STK32B: variants seen among roughly 807,000 people sequenced by gnomAD.
The protein encoded by STK32B is serine/threonine-protein kinase 32B.
A neutral mutation model predicts 52.6 loss-of-function variants in STK32B; 43 were observed. The observed-to-expected ratio is 0.82, with a 90% CI of 0.64 to 1.05. The LOEUF is 1.05. Ranked by LOEUF, STK32B falls within the 50% of genes least tolerant of loss-of-function variation. The pLI is 0.00. For synonymous variants in STK32B, 238 were observed against 204.3 expected (o/e 1.17, Z -1.41); for missense variants, 621 against 534.6 (o/e 1.16, Z -1.59).
intron 11 of STK32B, among the ~76,000 whole-genome samples, chr4:5,487,114 T>G (rs1719288643): frequency 6.6e-6 from 1 of 152,222 alleles, no homozygotes; most frequent in Non-Finnish European, 1.5e-5. Context: ...GTAGTTAGGC[T>G]TAATTATCCC....
At chr4:5,438,325 G>T (rs1282064824) in intron 6 of STK32B, among the ~76,000 whole-genome samples, 3 of 152,210 alleles carry the variant, frequency 2.0e-5, no homozygotes, top group African/African-American at 7.2e-5. Context: ...TGCCCAGCAT[G>T]TACTAGGAAA....
At chr4:5,086,926 C>G (rs1014002170) in intron 1 of STK32B, among the ~76,000 whole-genome samples, 5 of 152,110 alleles carry the variant, frequency 3.3e-5, no homozygotes, top group African/African-American at 1.2e-4. Context: ...TGTCCTGCAA[C>G]AGATAGTAAA....
intron 3 of STK32B, among the ~76,000 whole-genome samples, chr4:5,263,980 TG>T (rs1489255066): frequency 3.9e-5 from 6 of 152,236 alleles, no homozygotes; most frequent in African/African-American, 1.4e-4. Context: ...AGTATATCAT[TG>T]TATATAGGAG....
intron 1 of STK32B, among the ~76,000 whole-genome samples, chr4:5,094,580 G>C (rs773620503): frequency 6.6e-6 from 1 of 152,120 alleles, no homozygotes; most frequent in African/African-American, 2.4e-5. Flanking sequence ...ACTTGAGCCC[G>C]GGAGTTCAAG....
chr4:5,204,983 A>C (rs940022012), intron 3 of STK32B, among the ~76,000 whole-genome samples: 9 of 152,202 alleles, frequency 5.9e-5, no homozygotes, highest in African/African-American at 2.2e-4. Flanking sequence ...TTAGCATTTG[A>C]ATCAGTAGAC....
the STK32B span, among the ~76,000 whole-genome samples, chr4:5,030,570 G>A: frequency 6.6e-6 from 1 of 152,202 alleles, no homozygotes; most frequent in African/African-American, 2.4e-5. Context: ...TTTAACCAAA[G>A]CAATCCTCAT....
chr4:5,261,556 T>G (rs1250520143), intron 3 of STK32B, among the ~76,000 whole-genome samples: 4 of 152,090 alleles, frequency 2.6e-5, no homozygotes, highest in Admixed American at 2.6e-4. Flanking sequence ...TTCTGCAGAG[T>G]TTGCATTTTT....
At chr4:5,336,799 A>G (rs899431530) in intron 4 of STK32B, among the ~76,000 whole-genome samples, 11 of 152,228 alleles carry the variant, frequency 7.2e-5, no homozygotes, top group Admixed American at 2.0e-4. Flanking sequence ...CAATGAAAGA[A>G]CAATCTCCCA....
At chr4:5,408,909 C>T (rs527474269) in intron 5 of STK32B, among the ~76,000 whole-genome samples, 22 of 152,152 alleles carry the variant, frequency 1.4e-4, no homozygotes, top group Non-Finnish European at 2.6e-4. Flanking sequence ...CTTGTCGGAG[C>T]TTCATTGCCC....
rs1358326335 is a variant in STK32B at position 5,479,117 on chromosome 4, G to GT, written c.1106+11052dup. The stretch of plus-strand genomic sequence containing the variant: ...TGTTGGTTTTTGTTTGTTTGTTTTT[G>GT]TTTTTGTTTTTTTTTTTTTTTAGAT... On this transcript the variant is annotated intron_variant, in intron 11 of 11. Coordinates refer to ENST00000282908, the MANE Select transcript of STK32B (RefSeq NM_018401.3). Among the ~76,000 whole-genome samples the GT allele has an allele frequency of 7.7e-4, 90 of 117,130 alleles. 6 individuals carry two copies. The highest frequency in any genetic ancestry group is 3.1e-4 in the South Asian group (1 of 3,240). 76.8% of individuals were successfully genotyped at this position (117,130 alleles called of 152,430 possible).
chr4:5,370,820 A>C (rs554696596), intron 4 of STK32B, among the ~76,000 whole-genome samples: 46 of 152,016 alleles, frequency 3.0e-4, no homozygotes, highest in African/African-American at 1.1e-3. Flanking sequence ...AAAAATAAAA[A>C]AAATTAGCCA....
chr4:5,221,929 C>T (rs1265376803), intron 3 of STK32B, among the ~76,000 whole-genome samples: 5 of 151,826 alleles, frequency 3.3e-5, no homozygotes, highest in Non-Finnish European at 5.9e-5. Context: ...GATGATTAGG[C>T]CACCAGGTCT....
intron 4 of STK32B, among the ~76,000 whole-genome samples, chr4:5,379,874 C>T (rs1735828332): frequency 6.6e-6 from 1 of 152,200 alleles, no homozygotes; most frequent in Non-Finnish European, 1.5e-5. Context: ...TAGCAGCATT[C>T]TGTTCTTCTC....
chr4:5,096,760 A>AC (rs1156611834), intron 1 of STK32B, among the ~76,000 whole-genome samples: 1 of 152,074 alleles, frequency 6.6e-6, no homozygotes, highest in Non-Finnish European at 1.5e-5. Context: ...ACATTCAGAG[A>AC]CCCCCAAAGA....
At chr4:5,482,423 G>C (rs182518928) in intron 11 of STK32B, among the ~76,000 whole-genome samples, 2 of 152,204 alleles carry the variant, frequency 1.3e-5, no homozygotes, top group African/African-American at 4.8e-5. Flanking sequence ...TGTGATTTTT[G>C]TACATTGATT....
At chr4:5,165,130 A>G (rs1448558778) in intron 2 of STK32B, among the ~76,000 whole-genome samples, 2 of 152,114 alleles carry the variant, frequency 1.3e-5, no homozygotes. Context: ...TTAGCCCTGA[A>G]TTTACCGAGG....
chr4:5,255,804 T>C (rs1328060775), intron 3 of STK32B, among the ~76,000 whole-genome samples: 1 of 152,226 alleles, frequency 6.6e-6, no homozygotes, highest in Non-Finnish European at 1.5e-5. Flanking sequence ...TATATGAATA[T>C]ACTCTATTTA....
At chr4:5,323,013 C>T (rs1032958431) in intron 3 of STK32B, among the ~76,000 whole-genome samples, 1 of 152,162 alleles carries the variant, frequency 6.6e-6, no homozygotes, top group African/African-American at 2.4e-5. Flanking sequence ...CCTTGGTTTC[C>T]TCCATTGGGC....
At chr4:5,089,653 G>A (rs9284425) in intron 1 of STK32B, among the ~76,000 whole-genome samples, 1 of 152,102 alleles carries the variant, frequency 6.6e-6, no homozygotes, top group African/African-American at 2.4e-5. Flanking sequence ...GTAGTATGTA[G>A]CAATAAACCT....
Sources: allele counts gnomAD v4.1 joint callset (sites outside exome capture counted in the v4.1 genomes callset), GRCh38; gene constraint gnomAD v4.1.1; transcripts MANE v1.5; gene names NCBI Gene and HGNC (gene_info 2026-07-23, HGNC 2026-07-21).